Variants in GRHL2 observed in about 807,000 individuals in gnomAD.
The protein encoded by GRHL2 is grainyhead-like protein 2 homolog.
Under a neutral mutation model 83.8 loss-of-function variants are expected in GRHL2, and 21 were observed. The ratio of observed to expected loss-of-function variants is 0.25; its 90% CI spans 0.18 to 0.36. GRHL2 has a LOEUF of 0.36. Among genes scored for constraint, GRHL2 ranks in the 10% least tolerant of loss-of-function variants. GRHL2 has a pLI of 1.00. For synonymous variants in GRHL2, 280 were observed against 278.9 expected, an observed-to-expected ratio of 1.00 and a Z score of -0.04; for missense variants, 623 against 781.8, an observed-to-expected ratio of 0.80 and a Z score of 2.42.
At chr8:101,673,584 C>T (rs149937736), downstream of GRHL2, among the ~76,000 whole-genome samples, 1,106 of 150,652 alleles carry the variant, frequency 7.3e-3, 10 homozygotes, top group Middle Eastern at 0.031. Flanking sequence ...TCCTTAGAGA[C>T]CTACAAAGAG....
chr8:101,563,701 G>A (rs1484782147), intron 4 of GRHL2, among the ~76,000 whole-genome samples: 1 of 150,546 alleles, frequency 6.6e-6, no homozygotes, highest in African/African-American at 2.5e-5. Context: ...AAAATAGTTA[G>A]CAAACTTATT....
chr8:101,501,120 A>G (rs1231738183), intron 1 of GRHL2, among the ~76,000 whole-genome samples: 1 of 152,248 alleles, frequency 6.6e-6, no homozygotes, highest in Non-Finnish European at 1.5e-5. Context: ...TTCAATGTAT[A>G]TTTTGAAAAT....
At chr8:101,678,791 G>A in the GRHL2 span, among the ~76,000 whole-genome samples, 1 of 152,100 alleles carries the variant, frequency 6.6e-6, no homozygotes, top group Non-Finnish European at 1.5e-5. Context: ...AGCCTAACTG[G>A]GAGGCACCCC....
chr8:101,537,548 C>T (rs1479763589), intron 1 of GRHL2, among the ~76,000 whole-genome samples: 1 of 152,184 alleles, frequency 6.6e-6, no homozygotes, highest in Non-Finnish European at 1.5e-5. Context: ...GAGCGTACTA[C>T]TACTATCTAA....
At chr8:101,552,666 T>A in intron 2 of GRHL2, 49 bp from the exon 3 acceptor site, 1 of 1,561,212 alleles carries the variant, frequency 6.4e-7, no homozygotes, top group Non-Finnish European at 8.8e-7. Flanking sequence ...CTGAACATGG[T>A]CATGGTTGCC....
intron 8 of GRHL2, among the ~76,000 whole-genome samples, chr8:101,603,632 G>A (rs1001163717): frequency 8.5e-5 from 13 of 152,298 alleles, no homozygotes; most frequent in African/African-American, 1.7e-4. Flanking sequence ...CATTGCAGGC[G>A]GATTCTGGCA....
intron 7 of GRHL2, among the ~76,000 whole-genome samples, chr8:101,580,950 G>A (rs897404390): frequency 7.2e-5 from 11 of 152,146 alleles, no homozygotes; most frequent in African/African-American, 1.7e-4. Context: ...TGATCTGCCC[G>A]TCTCAGCCTC....
Position 101,492,560 on chromosome 8 carries a change from C to G in GRHL2, c.-210C>G, listed in dbSNP as rs1194986092. 1 of 657,028 alleles carries G rather than the reference C, an allele frequency of 1.5e-6. No homozygotes were observed. The highest frequency in any genetic ancestry group is 2.8e-6 in the Non-Finnish European group (1 of 359,344). The allele number at this position is 657,028 out of a possible 1,614,324, so 40.7% of individuals were successfully genotyped here. On this transcript the variant is annotated 5_prime_UTR_variant, in exon 1 of 16. Coordinates refer to ENST00000646743, the MANE Select transcript of GRHL2 (RefSeq NM_024915.4). The stretch of plus-strand genomic sequence containing the variant: ...CGAGCTCGGGCCCCATGTGAGGGGC[C>G]CCCCCTTATCCCACCTTTCCGGCTA...
intron 9 of GRHL2, among the ~76,000 whole-genome samples, chr8:101,622,536 G>A (rs182073326): frequency 1.0e-3 from 157 of 152,130 alleles, no homozygotes; most frequent in South Asian, 2.5e-3. Context: ...AAATTGGGAA[G>A]GATAGGAGGG....
chr8:101,679,660 A>G, the GRHL2 span, among the ~76,000 whole-genome samples: 1 of 151,656 alleles, frequency 6.6e-6, no homozygotes, highest in South Asian at 2.1e-4. Flanking sequence ...AAAAAATGTT[A>G]AGGACAGCCA....
chr8:101,664,429 T>C (rs746736358), intron 14 of GRHL2, 25 bp from the exon 15 acceptor site: 2 of 1,592,446 alleles, frequency 1.3e-6, no homozygotes, highest in Non-Finnish European at 1.7e-6. Flanking sequence ...TGTGCTCATC[T>C]GCCTTCTTGT....
chr8:101,626,734 G>C (rs918673549), intron 9 of GRHL2, among the ~76,000 whole-genome samples: 1 of 152,018 alleles, frequency 6.6e-6, no homozygotes, highest in African/African-American at 2.4e-5. Context: ...AGTATCTGTA[G>C]CAAATTATTC....
chr8:101,647,686 AC>A (rs1460605223), intron 13 of GRHL2, among the ~76,000 whole-genome samples: 5 of 151,018 alleles, frequency 3.3e-5, no homozygotes, highest in Non-Finnish European at 5.9e-5. Context: ...TTGGTGTTTT[AC>A]TTTTATATTT....
chr8:101,600,984 C>T (rs1812497888), intron 8 of GRHL2, among the ~76,000 whole-genome samples: 1 of 151,950 alleles, frequency 6.6e-6, no homozygotes, highest in Admixed American at 6.6e-5. Context: ...TAGGGAGACC[C>T]CATGTCTACA....
At chr8:101,586,418 T>G (rs1453357001) in intron 7 of GRHL2, among the ~76,000 whole-genome samples, 1 of 152,196 alleles carries the variant, frequency 6.6e-6, no homozygotes, top group East Asian at 1.9e-4. Context: ...TTGCCTAGAA[T>G]GGCCCTCTCT....
At chr8:101,567,318 T>C (rs1691682313) in intron 4 of GRHL2, among the ~76,000 whole-genome samples, 1 of 152,260 alleles carries the variant, frequency 6.6e-6, no homozygotes, top group Non-Finnish European at 1.5e-5. Context: ...ACTACAGTGA[T>C]GTTGGCTGTC....
At chr8:101,531,359 A>C (rs1278550683) in intron 1 of GRHL2, among the ~76,000 whole-genome samples, 1 of 152,194 alleles carries the variant, frequency 6.6e-6, no homozygotes, top group African/African-American at 2.4e-5. Context: ...TGATATCCAT[A>C]TCTGACTCTA....
At chr8:101,503,752 T>A (rs758697039) in intron 1 of GRHL2, among the ~76,000 whole-genome samples, 1 of 152,180 alleles carries the variant, frequency 6.6e-6, no homozygotes, top group Non-Finnish European at 1.5e-5. Context: ...GCATTACACA[T>A]CACATTAATG....
rs192988362 is a variant in GRHL2 at position 101,632,400 on chromosome 8, A to C, written c.1485+35A>C. The C allele has an allele frequency of 1.6e-5, 26 of 1,613,308 alleles. No homozygotes were observed. In the African/African-American group the frequency reaches 3.3e-4, roughly 21 times the overall value. ...ACCAGCTAACGCCCACCTCCCATCC[A>C]TCCACAGGGCAAGTAGGGCTTTAAG... On this transcript the variant is annotated intron_variant, in intron 11 of 15. Transcript: ENST00000646743.
Sources: allele counts gnomAD v4.1 joint callset (sites outside exome capture counted in the v4.1 genomes callset), GRCh38; gene constraint gnomAD v4.1.1; transcripts MANE v1.5; gene names NCBI Gene and HGNC (gene_info 2026-07-23, HGNC 2026-07-21).